Variants in RBFOX1 observed in about 807,000 individuals in gnomAD.
The protein encoded by RBFOX1 is RNA binding protein fox-1 homolog 1.
A neutral mutation model predicts 57.7 loss-of-function variants in RBFOX1; 8 were observed. That is an observed-to-expected ratio of 0.14 (90% CI 0.08 to 0.25). The LOEUF is 0.25. Among genes scored for constraint, RBFOX1 ranks in the 10% least tolerant of loss-of-function variants. The pLI, the probability that RBFOX1 is intolerant of heterozygous loss-of-function variation, is 1.00. For synonymous variants in RBFOX1, 326 were observed against 222.4 expected (o/e 1.47, Z -4.15); for missense variants, 611 against 548.5 (o/e 1.11, Z -1.14).
intron 14 of RBFOX1, among the ~76,000 whole-genome samples, chr16:7,679,239 G>GA (rs1021146844): frequency 6.6e-6 from 1 of 152,178 alleles, no homozygotes; most frequent in African/African-American, 2.4e-5. Context: ...ACGTTTAGGG[G>GA]AAAATGTGAA....
chr16:7,127,860 A>G (rs2069022692), intron 4 of RBFOX1, among the ~76,000 whole-genome samples: 1 of 152,262 alleles, frequency 6.6e-6, no homozygotes, highest in Non-Finnish European at 1.5e-5. Context: ...ATTAAGCAGC[A>G]TATTAATCAG....
intron 1 of RBFOX1, among the ~76,000 whole-genome samples, chr16:6,158,552 T>C (rs1001840664): frequency 1.3e-5 from 2 of 152,248 alleles, no homozygotes; most frequent in African/African-American, 2.4e-5. Context: ...ATTTTAGCCG[T>C]AATGTTCTAG....
At chr16:7,420,176 C>T (rs913480283) in intron 4 of RBFOX1, among the ~76,000 whole-genome samples, 1 of 152,062 alleles carries the variant, frequency 6.6e-6, no homozygotes, top group African/African-American at 2.4e-5. Flanking sequence ...TCTAAATATT[C>T]TGCCGTGGTA....
chr16:7,409,152 CG>C (rs1239698659), intron 4 of RBFOX1, among the ~76,000 whole-genome samples: 1 of 152,148 alleles, frequency 6.6e-6, no homozygotes, highest in Non-Finnish European at 1.5e-5. Flanking sequence ...GATCAGGTTC[CG>C]GGAGCTGGAG....
intron 2 of RBFOX1, among the ~76,000 whole-genome samples, chr16:6,452,208 T>C (rs2094645377): frequency 6.8e-6 from 1 of 146,768 alleles, no homozygotes. Flanking sequence ...GGCTTCTTCC[T>C]TCCATGACTC....
intron 3 of RBFOX1, among the ~76,000 whole-genome samples, chr16:5,614,939 T>C (rs372647122): frequency 4.6e-5 from 7 of 151,930 alleles, no homozygotes; most frequent in East Asian, 1.9e-4. Flanking sequence ...CTGTGAGAGG[T>C]ACTTGGAAGA....
chr16:5,684,103 A>C (rs562030022), intron 3 of RBFOX1, among the ~76,000 whole-genome samples: 1 of 152,076 alleles, frequency 6.6e-6, no homozygotes, highest in Admixed American at 6.6e-5. Flanking sequence ...AAAGTAACCC[A>C]TTTCTTTTTT....
chr16:6,581,172 C>T (rs977531272), intron 2 of RBFOX1, among the ~76,000 whole-genome samples: 4 of 152,124 alleles, frequency 2.6e-5, no homozygotes, highest in Admixed American at 6.5e-5. Flanking sequence ...TCCTGCGCCA[C>T]GCCCACCCCT....
chr16:6,479,741 G>C (rs1420080208), intron 2 of RBFOX1, among the ~76,000 whole-genome samples: 1 of 151,798 alleles, frequency 6.6e-6, no homozygotes, highest in Non-Finnish European at 1.5e-5. Flanking sequence ...GCCTCTTACA[G>C]AAAAAAGTTC....
intron 3 of RBFOX1, among the ~76,000 whole-genome samples, chr16:6,817,532 T>TAA (rs71145302): frequency 6.8e-4 from 87 of 127,568 alleles, no homozygotes; most frequent in Non-Finnish European, 8.9e-4. Flanking sequence ...TTTCTTTGCT[T>TAA]AAAAAAAAAA....
At chr16:5,809,542 A>T (rs1025257540) in intron 3 of RBFOX1, among the ~76,000 whole-genome samples, 1 of 152,258 alleles carries the variant, frequency 6.6e-6, no homozygotes, top group Admixed American at 6.5e-5. Flanking sequence ...TCAAAAGAAG[A>T]CATTTATGCA....
intron 3 of RBFOX1, among the ~76,000 whole-genome samples, chr16:6,794,513 G>A (rs2083574866): frequency 6.6e-6 from 1 of 151,984 alleles, no homozygotes; most frequent in Non-Finnish European, 1.5e-5. Context: ...ACTACATATG[G>A]TCATTTTATA....
intron 3 of RBFOX1, among the ~76,000 whole-genome samples, chr16:6,905,148 G>C (rs1251703047): frequency 6.6e-6 from 1 of 151,946 alleles, no homozygotes; most frequent in African/African-American, 2.4e-5. Flanking sequence ...TTTTACAGTT[G>C]GTCAGGGTTT....
intron 14 of RBFOX1, among the ~76,000 whole-genome samples, chr16:7,683,322 A>G (rs2075328973): frequency 6.6e-6 from 1 of 151,772 alleles, no homozygotes; most frequent in South Asian, 2.1e-4. Context: ...AATCACACAC[A>G]CACAGAGACA....
intron 4 of RBFOX1, among the ~76,000 whole-genome samples, chr16:7,499,671 G>C (rs553874625): frequency 6.6e-6 from 1 of 152,304 alleles, no homozygotes; most frequent in East Asian, 1.9e-4. Context: ...AATGCAGCCA[G>C]TGGGTAGTTA....
chr16:6,643,666 C>G (rs975984546), intron 2 of RBFOX1, among the ~76,000 whole-genome samples: 1 of 152,174 alleles, frequency 6.6e-6, no homozygotes, highest in Non-Finnish European at 1.5e-5. Context: ...AGCTCGTAGA[C>G]CAGATGGATT....
chr16:7,708,384 A>T (rs1381190512), intron 14 of RBFOX1, among the ~76,000 whole-genome samples: 1 of 152,216 alleles, frequency 6.6e-6, no homozygotes, highest in East Asian at 1.9e-4. Flanking sequence ...CACAAAGATG[A>T]GTAAATGTCA....
rs568625854 is a variant in RBFOX1, at chr16:7,605,948, C to T, written c.623-1337C>T. 3.3e-5 allele frequency among the ~76,000 whole-genome samples: 5 copies of T among 152,104 alleles called. No individual in the cohort carries two copies. The South Asian group carries it at 8.3e-4, about 25-fold the overall frequency. On this transcript the variant is annotated intron_variant, in intron 9 of 15. Coordinates refer to ENST00000550418, the MANE Select transcript of RBFOX1 (RefSeq NM_018723.4). ...CTGACTCCCAGCTTCAAGCGATTCT[C>T]ATGCCTCAGCCTGATTAGTTGTTAC... is the stretch of plus-strand genomic sequence containing the variant.
At chr16:5,762,614 C>G (rs2053630201) in intron 3 of RBFOX1, among the ~76,000 whole-genome samples, 1 of 152,150 alleles carries the variant, frequency 6.6e-6, no homozygotes, top group South Asian at 2.1e-4. Flanking sequence ...AGAAGGCACT[C>G]TATAAATAGT....
Sources: gnomAD v4.1 joint callset for allele counts (sites outside exome capture counted in the v4.1 genomes callset) on GRCh38, gnomAD v4.1.1 for gene constraint, MANE v1.5 for transcripts, NCBI Gene and HGNC (gene_info 2026-07-23, HGNC 2026-07-21) for gene names.